SHISA9: variants seen among roughly 807,000 people sequenced by gnomAD.
SHISA9 encodes the protein shisa family member 9, also known as protein shisa-9.
SHISA9 carries 13 observed loss-of-function variants against 38.0 expected under a neutral mutation model. The observed-to-expected ratio is 0.34, with a 90% confidence interval of 0.22 to 0.54. SHISA9 has a LOEUF of 0.54. SHISA9 is among the 20% of genes least tolerant of loss of function. The pLI is 0.91. For synonymous variants in SHISA9, 275 were observed against 242.0 expected (o/e 1.14, Z -1.27); for missense variants, 538 against 575.8 (o/e 0.93, Z 0.67).
the SHISA9 span, among the ~76,000 whole-genome samples, chr16:13,441,536 G>A: frequency 6.6e-6 from 1 of 152,326 alleles, no homozygotes; most frequent in African/African-American, 2.4e-5. Flanking sequence ...CATGCATGGA[G>A]ATCAATGCCC....
At chr16:13,081,804 A>G (rs2062154351) in intron 2 of SHISA9, among the ~76,000 whole-genome samples, 1 of 149,972 alleles carries the variant, frequency 6.7e-6, no homozygotes, top group African/African-American at 2.5e-5. Context: ...GTGAGGCAAG[A>G]TTGCGCCACT....
chr16:13,267,296 C>T, the SHISA9 span, among the ~76,000 whole-genome samples: 1 of 152,116 alleles, frequency 6.6e-6, no homozygotes, highest in African/African-American at 2.4e-5. Flanking sequence ...CATATGGGAA[C>T]ATATTCAACC....
At chr16:12,934,591 C>T (rs528480787) in intron 2 of SHISA9, among the ~76,000 whole-genome samples, 12 of 152,286 alleles carry the variant, frequency 7.9e-5, no homozygotes, top group African/African-American at 2.4e-4. Flanking sequence ...TCCTTAATCA[C>T]TTTCTATGGT....
chr16:13,082,047 C>T (rs2073656915), intron 2 of SHISA9, among the ~76,000 whole-genome samples: 1 of 152,076 alleles, frequency 6.6e-6, no homozygotes, highest in African/African-American at 2.4e-5. Flanking sequence ...ACCGCCAACT[C>T]ATTAAGTAAC....
At chr16:13,026,729 T>A (rs963879716) in intron 2 of SHISA9, among the ~76,000 whole-genome samples, 1 of 152,232 alleles carries the variant, frequency 6.6e-6, no homozygotes, top group Non-Finnish European at 1.5e-5. Flanking sequence ...TTCCTACCTG[T>A]AAATGTGAGT....
At chr16:13,182,545 T>C (rs181525000) in intron 2 of SHISA9, among the ~76,000 whole-genome samples, 1 of 152,348 alleles carries the variant, frequency 6.6e-6, no homozygotes, top group East Asian at 1.9e-4. Flanking sequence ...TAGTAAATGT[T>C]GGGATTTCAG....
chr16:13,181,095 A>G (rs1024311817), intron 2 of SHISA9, among the ~76,000 whole-genome samples: 1 of 152,004 alleles, frequency 6.6e-6, no homozygotes, highest in Non-Finnish European at 1.5e-5. Context: ...ATAATCCTGC[A>G]AATAAATATA....
intron 2 of SHISA9, among the ~76,000 whole-genome samples, chr16:13,030,818 T>C (rs763800396): frequency 1.3e-5 from 2 of 152,206 alleles, no homozygotes; most frequent in South Asian, 2.1e-4. Flanking sequence ...AAAGCATTTA[T>C]AGGAGAGGAA....
chr16:12,992,837 C>T lies in SHISA9; in HGVS notation c.691+76022C>T, dbSNP rs182322443. Among the ~76,000 whole-genome samples the T allele has an allele frequency of 3.3e-5, 5 of 152,274 alleles. No individual in the cohort carries two copies. In the East Asian group the frequency reaches 9.6e-4, roughly 29 times the overall value. ...ATGGTAACATTTACTGAATGCATAC[C>T]ATGTACTAGGCCATGACTGAGCACT... On this transcript the variant is annotated intron_variant, in intron 2 of 4. Transcript: ENST00000558583.
chr16:13,252,681 A>G, the SHISA9 span, among the ~76,000 whole-genome samples: 1 of 152,026 alleles, frequency 6.6e-6, no homozygotes, highest in African/African-American at 2.4e-5. Context: ...AGCCATTTCT[A>G]CCATATTATA....
the SHISA9 span, among the ~76,000 whole-genome samples, chr16:13,554,616 C>G: frequency 4.0e-5 from 6 of 151,696 alleles, no homozygotes; most frequent in African/African-American, 1.5e-4. Context: ...CTCAGCCTCC[C>G]GAGTAGCTGG....
chr16:13,140,047 C>CCCTCT (rs962550957), intron 2 of SHISA9, among the ~76,000 whole-genome samples: 4 of 148,866 alleles, frequency 2.7e-5, no homozygotes, highest in Non-Finnish European at 4.5e-5. Context: ...TAGTCCCCTC[C>CCCTCT]CCTCTCCTCT....
intron 3 of SHISA9, among the ~76,000 whole-genome samples, chr16:13,205,127 A>T (rs2051051804): frequency 6.6e-6 from 1 of 152,158 alleles, no homozygotes; most frequent in Non-Finnish European, 1.5e-5. Context: ...AAATATAAGG[A>T]TGCCCCAGGT....
chr16:13,437,384 A>G, the SHISA9 span, among the ~76,000 whole-genome samples: 1 of 152,184 alleles, frequency 6.6e-6, no homozygotes, highest in African/African-American at 2.4e-5. Context: ...TCCAGCCTGA[A>G]ATCTAAGCAC....
intron 2 of SHISA9, among the ~76,000 whole-genome samples, chr16:12,941,268 T>C (rs2071607311): frequency 6.6e-6 from 1 of 152,178 alleles, no homozygotes; most frequent in Non-Finnish European, 1.5e-5. Flanking sequence ...GGAGAATTGC[T>C]TGAACCCAGG....
At chr16:13,187,554 C>G (rs1464517287) in intron 2 of SHISA9, among the ~76,000 whole-genome samples, 1 of 151,916 alleles carries the variant, frequency 6.6e-6, no homozygotes, top group Non-Finnish European at 1.5e-5. Context: ...AGGCTGGTCT[C>G]AAACTCCTGA....
At position 13,071,591 on chromosome 16, in the gene SHISA9, T is replaced by TCCTTCCTTCCTTC. The variant is rs1567202344; in HGVS notation, c.692-131793_692-131792insTTCCCTTCCTTCC. On this transcript the variant is annotated intron_variant, in intron 2 of 4. Transcript: ENST00000558583. ...TTCCTCCCTTCCTCCCTTCCTTCCTTCCTTCCTTCCCTTTCTTCCCTTCCT... is the reference window on the plus strand; with the variant it reads ...TTCCTCCCTTCCTCCCTTCCTTCCTTCCTTCCTTCCTTCCCTTCCTTCCCTTTCTTCCCTTCCT... Among the ~76,000 whole-genome samples the TCCTTCCTTCCTTC allele has an allele frequency of 3.0e-3, 409 of 135,360 alleles. 3 individuals carry two copies. The highest frequency in any genetic ancestry group is 0.011 in the African/African-American group (390 of 36,962). 88.8% of individuals were successfully genotyped at this position (135,360 alleles called of 152,430 possible).
At position 13,237,556 on chromosome 16, in the gene SHISA9, G is replaced by C. The variant is rs895172506; in HGVS notation, c.*2147G>C. The C allele has an allele frequency of 1.3e-5, 2 of 150,076 alleles. No individual in the cohort carries two copies. The highest frequency in any genetic ancestry group is 4.9e-5 in the African/African-American group (2 of 40,740). The allele number at this position is 150,076 out of a possible 1,614,324, so 9.3% of individuals were successfully genotyped here. On this transcript the variant is annotated 3_prime_UTR_variant, in exon 5 of 5. Coordinates refer to ENST00000558583, the MANE Select transcript of SHISA9 (RefSeq NM_001145204.3). ...TGGGTGCCTGTAATCCCAACTACTC[G>C]AGAGGCTGAGGCAGGAGAATCGCTT...
At position 13,213,489 on chromosome 16, in the gene SHISA9, T is replaced by C. The variant is rs547220500; in HGVS notation, c.895+189T>C. On this transcript the variant is annotated intron_variant, in intron 4 of 4. Transcript: ENST00000558583. ...GTGTTTGTGTGTGTGTGTGTGCATC[T>C]AGCAATTGTTGGACAACGTGGTAGC... 1.3e-3 allele frequency among the ~76,000 whole-genome samples: 196 copies of C among 152,286 alleles called. 1 individual carries two copies. The highest frequency in any genetic ancestry group is 4.6e-3 in the African/African-American group (190 of 41,576).
Sources: gnomAD v4.1 joint callset for allele counts (sites outside exome capture counted in the v4.1 genomes callset) on GRCh38, gnomAD v4.1.1 for gene constraint, MANE v1.5 for transcripts, NCBI Gene and HGNC (gene_info 2026-07-23, HGNC 2026-07-21) for gene names.